VWA8: variants seen among roughly 807,000 people sequenced by gnomAD.
VWA8 encodes von Willebrand factor A domain containing 8, also known as von Willebrand factor A domain-containing protein 8.
In VWA8, 221 loss-of-function variants were observed where a neutral mutation model predicts 241.5. The ratio of observed to expected loss-of-function variants is 0.91; its 90% confidence interval spans 0.82 to 1.02. The LOEUF (loss-of-function observed/expected upper bound fraction) is 1.02, where lower values mean the gene tolerates loss of function less well. VWA8 is among the 50% of genes least tolerant of loss of function. The probability of loss-of-function intolerance (pLI) is 0.00; values close to 1 mark genes in which losing one functional copy is unlikely to be tolerated. For missense variants in VWA8, 2,322 were observed against 2,328.7 expected, an observed-to-expected ratio of 1.00 and a Z score of 0.06; for synonymous variants, 852 against 827.1, an observed-to-expected ratio of 1.03 and a Z score of -0.52.
At chr13:41,926,174 T>G (rs757880272) in intron 2 of VWA8, 33 of 623,434 alleles carry the variant, frequency 5.3e-5, no homozygotes, top group Non-Finnish European at 8.7e-5. Flanking sequence ...CCAAGAAGGG[T>G]GAGCTGAGCA....
Position 41,891,445 on chromosome 13 carries a change from G to C in VWA8, c.626C>G (p.Ala209Gly), listed in dbSNP as rs776717761. 1 of 1,614,188 alleles carries C rather than the reference G, an allele frequency of 6.2e-7. No individual in the cohort carries two copies. The highest frequency in any genetic ancestry group is 8.5e-7 in the Non-Finnish European group (1 of 1,180,022). Reference sequence around the variant, plus strand: ...TCGGAGAAGTTTGTCGTAACGCTCAGCAGACATCAGGAAGCGTCCATCTTC... The same window carrying C: ...TCGGAGAAGTTTGTCGTAACGCTCACCAGACATCAGGAAGCGTCCATCTTC... ...QLEDGRFLMS[A>G]ERYDKLLRDH... is the part of the protein sequence containing the mutation. Residue 209 changes from alanine (A) to glycine (G), a missense_variant, in exon 5 of 45, where the codon GCT (alanine) becomes GGT (glycine). Coordinates refer to ENST00000379310, the MANE Select transcript of VWA8 (RefSeq NM_015058.2).
At chr13:41,641,190 G>A (rs2044793083) in intron 37 of VWA8, among the ~76,000 whole-genome samples, 1 of 152,164 alleles carries the variant, frequency 6.6e-6, no homozygotes, top group South Asian at 2.1e-4. Context: ...TGTTGTCTGT[G>A]GGCAAGATAT....
chr13:41,596,207 C>T (rs2044487083), intron 40 of VWA8, among the ~76,000 whole-genome samples: 1 of 152,036 alleles, frequency 6.6e-6, no homozygotes, highest in African/African-American at 2.4e-5. Context: ...ATAATAGTAG[C>T]ACTGTTCATT....
intron 21 of VWA8, among the ~76,000 whole-genome samples, chr13:41,760,355 T>C (rs547590068): frequency 2.6e-5 from 4 of 151,962 alleles, no homozygotes; most frequent in Non-Finnish European, 5.9e-5. Flanking sequence ...CTTTATTCTC[T>C]TATAATTCTC....
intron 24 of VWA8, among the ~76,000 whole-genome samples, chr13:41,726,679 T>C (rs1039424346): frequency 1.3e-5 from 2 of 152,126 alleles, no homozygotes; most frequent in Non-Finnish European, 2.9e-5. Context: ...CCACCACTCA[T>C]TATCCCAGAC....
intron 17 of VWA8, chr13:41,807,940 A>C (rs370812733): frequency 2.0e-5 from 3 of 152,204 alleles, no homozygotes; most frequent in Non-Finnish European, 4.4e-5. Flanking sequence ...TAGCCACTGC[A>C]CTACGATCCG....
At chr13:41,850,196 A>T (rs1872471431) in intron 12 of VWA8, among the ~76,000 whole-genome samples, 1 of 152,220 alleles carries the variant, frequency 6.6e-6, no homozygotes, top group Non-Finnish European at 1.5e-5. Flanking sequence ...TTTTATACAC[A>T]TGCCCAAAGG....
intron 12 of VWA8, among the ~76,000 whole-genome samples, chr13:41,856,042 A>G (rs977218793): frequency 1.3e-5 from 2 of 152,230 alleles, no homozygotes; most frequent in Non-Finnish European, 2.9e-5. Flanking sequence ...TCATTCAAAA[A>G]TCTTACTTGT....
intron 37 of VWA8, among the ~76,000 whole-genome samples, chr13:41,640,572 C>T (rs1352735009): frequency 2.6e-5 from 4 of 152,198 alleles, no homozygotes; most frequent in African/African-American, 9.7e-5. Context: ...AGATCAAATT[C>T]AGTGATTTAA....
chr13:41,568,078 G>T lies in VWA8; in HGVS notation c.*119C>A. The T allele has an allele frequency of 1.2e-6, 1 of 808,840 alleles. No individual in the cohort carries two copies. The highest frequency in any genetic ancestry group is 2.0e-6 in the Non-Finnish European group (1 of 497,804). 50.1% of individuals were successfully genotyped at this position (808,840 alleles called of 1,614,324 possible). A position where few individuals can be genotyped will look rare whatever the true frequency, so the allele number is the denominator to read the frequency against. ...AGCAAGTGTAGGAAGACCCAGGAAT[G>T]CCGGAATCATCCAGTCACTGCATGG... is the stretch of plus-strand genomic sequence containing the variant. On this transcript the variant is annotated 3_prime_UTR_variant, in exon 45 of 45. Transcript: ENST00000379310.
intron 37 of VWA8, among the ~76,000 whole-genome samples, chr13:41,631,580 G>T (rs1461216050): frequency 1.3e-5 from 2 of 152,102 alleles, no homozygotes; most frequent in African/African-American, 4.8e-5. Context: ...TAGGCTCGTA[G>T]AACTCATCCA....
rs1349857718 is a variant in VWA8 at position 41,577,641 on chromosome 13, G to A, written c.5272-1803C>T. Among the ~76,000 whole-genome samples, 3 of 152,230 alleles carry A rather than the reference G, an allele frequency of 2.0e-5. No individual in the cohort carries two copies. The East Asian group carries it at 5.8e-4, about 29-fold the overall frequency. ...CAGGAACTGTTTGTAGTCAAGAGGG[G>A]AAAGTTCTCCTGAGAAAGTGCCAGG... On this transcript the variant is annotated intron_variant, in intron 42 of 44. Coordinates refer to ENST00000379310, the MANE Select transcript of VWA8 (RefSeq NM_015058.2).
At chr13:41,872,340 C>G (rs1421543780) in intron 9 of VWA8, among the ~76,000 whole-genome samples, 29 of 152,022 alleles carry the variant, frequency 1.9e-4, no homozygotes, top group South Asian at 4.1e-4. Flanking sequence ...TTTGGCTTTT[C>G]TTGCCATTGC....
At chr13:41,605,539 A>T (rs1036534286) in intron 39 of VWA8, among the ~76,000 whole-genome samples, 1 of 152,134 alleles carries the variant, frequency 6.6e-6, no homozygotes, top group Admixed American at 6.6e-5. Flanking sequence ...CATGATGTAA[A>T]CATTGCCACC....
At chr13:41,901,133 A>G (rs1395244474) in intron 4 of VWA8, among the ~76,000 whole-genome samples, 1 of 146,882 alleles carries the variant, frequency 6.8e-6, no homozygotes, top group Non-Finnish European at 1.5e-5. Context: ...TTTTTTTACA[A>G]GCAGAGTCTC....
Position 41,692,930 on chromosome 13 carries a change from G to A in VWA8, c.3607C>T (p.His1203Tyr), listed in dbSNP as rs2045188664. Residue 1203 changes from histidine to tyrosine, a missense_variant, in exon 30 of 45, where the codon CAT becomes TAT. His to Tyr is a moderately conservative substitution (Grantham distance 83). Coordinates refer to ENST00000379310, the MANE Select transcript of VWA8 (RefSeq NM_015058.2). ...TTCTCGGAAGGGAGGATGAGACGATGAAGGGCCCGGCCAGTAGTATCTAAC... is the reference window on the plus strand; with the variant it reads ...TTCTCGGAAGGGAGGATGAGACGATAAAGGGCCCGGCCAGTAGTATCTAAC... ...LLLDTTGRALHRLILPSEKFT... is the reference protein window; with the variant it reads ...LLLDTTGRALYRLILPSEKFT... 1 of 1,611,048 alleles carries A rather than the reference G, an allele frequency of 6.2e-7. No homozygotes were observed. The highest frequency in any genetic ancestry group is 8.5e-7 in the Non-Finnish European group (1 of 1,178,192).
chr13:41,877,924 T>C (rs113942470), intron 9 of VWA8, among the ~76,000 whole-genome samples: 1 of 152,090 alleles, frequency 6.6e-6, no homozygotes, highest in East Asian at 1.9e-4. Flanking sequence ...ATGAGCACCA[T>C]CTGGGGAATG....
chr13:41,698,472 A>G (rs1416438830), intron 29 of VWA8, among the ~76,000 whole-genome samples: 5 of 152,120 alleles, frequency 3.3e-5, no homozygotes, highest in African/African-American at 9.7e-5. Context: ...CACTAGTACA[A>G]TCTTAGTGTA....
intron 2 of VWA8, among the ~76,000 whole-genome samples, chr13:41,939,930 C>G (rs1231667873): frequency 2.0e-5 from 3 of 152,192 alleles, no homozygotes; most frequent in Non-Finnish European, 4.4e-5. Context: ...ATAGCACTGT[C>G]ATGCCTCAAG....
Sources: gnomAD v4.1 joint callset for allele counts (sites outside exome capture counted in the v4.1 genomes callset) on GRCh38, gnomAD v4.1.1 for gene constraint, MANE v1.5 for transcripts, NCBI Gene and HGNC (gene_info 2026-07-23, HGNC 2026-07-21) for gene names.